Variants in DTNA observed in about 807,000 individuals in gnomAD.
DTNA encodes the protein dystrophin-related protein 3.
Under a neutral mutation model 100.7 loss-of-function variants are expected in DTNA, and 43 were observed. The ratio of observed to expected loss-of-function variants is 0.43; its 90% CI spans 0.33 to 0.55. DTNA has a LOEUF of 0.55. DTNA is among the 20% of genes least tolerant of loss of function. The pLI is 0.04. For synonymous variants in DTNA, 349 were observed against 347.9 expected, an observed-to-expected ratio of 1.00 and a Z score of -0.04; for missense variants, 798 against 953.9, an observed-to-expected ratio of 0.84 and a Z score of 2.15.
At chr18:34,708,341 G>C (rs556088576), upstream of DTNA, 140 of 152,226 alleles carry the variant, frequency 9.2e-4, 1 homozygote, top group Middle Eastern at 3.4e-3. Flanking sequence ...ATATTTTAAA[G>C]CCCTTTATGA....
intron 17 of DTNA, among the ~76,000 whole-genome samples, chr18:34,864,611 T>A (rs1167016087): frequency 6.6e-6 from 1 of 152,226 alleles, no homozygotes; most frequent in Non-Finnish European, 1.5e-5. Flanking sequence ...ATGGGGCAAC[T>A]TCTTCTTGGC....
At chr18:34,620,940 T>G (rs1387874886) in intron 1 of DTNA, among the ~76,000 whole-genome samples, 2 of 152,100 alleles carry the variant, frequency 1.3e-5, no homozygotes, top group African/African-American at 2.4e-5. Flanking sequence ...GTATTTGGAG[T>G]AACTGAATTG....
intron 1 of DTNA, among the ~76,000 whole-genome samples, chr18:34,613,936 C>A (rs935425835): frequency 2.6e-5 from 4 of 152,178 alleles, no homozygotes; most frequent in South Asian, 2.1e-4. Context: ...GAAGAAGATG[C>A]CTTCTAGGAT....
intron 1 of DTNA, among the ~76,000 whole-genome samples, chr18:34,625,035 A>ATT (rs1201084306): frequency 4.5e-5 from 6 of 133,554 alleles, no homozygotes; most frequent in Non-Finnish European, 6.5e-5. Flanking sequence ...CAGCCAGTTA[A>ATT]TTTTTTTTTT....
intron 1 of DTNA, among the ~76,000 whole-genome samples, chr18:34,721,792 G>C (rs976022069): frequency 6.7e-6 from 1 of 150,134 alleles, no homozygotes; most frequent in African/African-American, 2.5e-5. Context: ...ACCACACACT[G>C]TCTGTATTCT....
chr18:34,866,004 G>T, intron 17 of DTNA: 1 of 1,295,314 alleles, frequency 7.7e-7, no homozygotes, highest in Non-Finnish European at 1.1e-6. Context: ...TGGACCTGCC[G>T]TCAAAGGTGT....
chr18:34,730,621 C>G (rs1464377922), intron 1 of DTNA, among the ~76,000 whole-genome samples: 1 of 152,150 alleles, frequency 6.6e-6, no homozygotes, highest in Non-Finnish European at 1.5e-5. Flanking sequence ...ATTTGGATAA[C>G]CCAGTTGTCA....
intron 1 of DTNA, among the ~76,000 whole-genome samples, chr18:34,742,345 G>A (rs1411670467): frequency 2.0e-5 from 3 of 152,112 alleles, no homozygotes; most frequent in Non-Finnish European, 4.4e-5. Context: ...AGTGTTGGCA[G>A]GGCTGCGTTC....
At chr18:34,764,424 T>C (rs2093362162) in intron 2 of DTNA, among the ~76,000 whole-genome samples, 1 of 152,204 alleles carries the variant, frequency 6.6e-6, no homozygotes, top group Non-Finnish European at 1.5e-5. Context: ...TACGTGGCCA[T>C]TGGCTAAATG....
chr18:34,706,268 G>A (rs1568268982), upstream of DTNA, among the ~76,000 whole-genome samples: 2 of 152,142 alleles, frequency 1.3e-5, no homozygotes, highest in Non-Finnish European at 2.9e-5. Flanking sequence ...AATGTATGAA[G>A]AAATACATCA....
chr18:34,540,390 C>T (rs1443180714), intron 1 of DTNA, among the ~76,000 whole-genome samples: 1 of 151,892 alleles, frequency 6.6e-6, no homozygotes. Context: ...TCCACAATAA[C>T]AAAGAAACAT....
chr18:34,740,101 T>C (rs1414146349), intron 1 of DTNA, among the ~76,000 whole-genome samples: 1 of 152,158 alleles, frequency 6.6e-6, no homozygotes, highest in Non-Finnish European at 1.5e-5. Flanking sequence ...ATAATAAACT[T>C]CCTAAGTCCC....
rs73946106 is a variant in DTNA, at chr18:34,583,077, T to G, written c.-2+89563T>G. 4.1e-3 allele frequency among the ~76,000 whole-genome samples: 625 copies of G among 152,322 alleles called. 5 individuals carry two copies. Among genetic ancestry groups the G allele is most frequent in the African/African-American group, 0.014 (592 of 41,560 alleles). ...TTGTATTTTCACTTTTTAAGAGAGA[T>G]AGTTTTGCCTAGGAAGGAATTATTT... On this transcript the variant is annotated intron_variant, in intron 1 of 19. Coordinates refer to the DTNA transcript ENST00000283365.
At chr18:34,771,718 A>T (rs1238077313) in intron 3 of DTNA, among the ~76,000 whole-genome samples, 1 of 152,210 alleles carries the variant, frequency 6.6e-6, no homozygotes, top group Non-Finnish European at 1.5e-5. Context: ...AATGGAGCAG[A>T]ACAAAGAATA....
At chr18:34,774,207 G>A (rs571018519) in intron 3 of DTNA, among the ~76,000 whole-genome samples, 3 of 152,352 alleles carry the variant, frequency 2.0e-5, no homozygotes, top group African/African-American at 7.2e-5. Context: ...AGGTGCCAAG[G>A]CAAGATTCGA....
At chr18:34,689,350 T>C (rs1454629433) in intron 1 of DTNA, among the ~76,000 whole-genome samples, 1 of 152,170 alleles carries the variant, frequency 6.6e-6, no homozygotes, top group African/African-American at 2.4e-5. Flanking sequence ...TTGTTGTTGT[T>C]GATGTTGATG....
intron 1 of DTNA, among the ~76,000 whole-genome samples, chr18:34,635,042 C>T (rs1391455990): frequency 6.6e-6 from 1 of 152,134 alleles, no homozygotes; most frequent in East Asian, 1.9e-4. Flanking sequence ...CCCACCCTAA[C>T]CTCTGCTAAC....
chr18:34,816,942 A>G (rs905186743), intron 7 of DTNA, among the ~76,000 whole-genome samples: 3 of 152,150 alleles, frequency 2.0e-5, no homozygotes, highest in African/African-American at 4.8e-5. Context: ...TTTTTTTGCA[A>G]TCACTAACAA....
chr18:34,543,339 A>G (rs182290001), intron 1 of DTNA, among the ~76,000 whole-genome samples: 342 of 152,214 alleles, frequency 2.2e-3, no homozygotes, highest in African/African-American at 7.7e-3. Context: ...AAATTCTAAC[A>G]AAAGGAATCT....
Sources: allele counts gnomAD v4.1 joint callset (sites outside exome capture counted in the v4.1 genomes callset), GRCh38; gene constraint gnomAD v4.1.1; transcripts MANE v1.5; gene names NCBI Gene and HGNC (gene_info 2026-07-23, HGNC 2026-07-21).